The following BCL2L12 variants were observed in gnomAD, a reference collection of about 807,000 sequenced individuals.
The protein encoded by BCL2L12 is BCL2 like 12, also known as bcl-2-like protein 12.
Under a neutral mutation model 25.7 loss-of-function variants are expected in BCL2L12, and 27 were observed. That is an observed-to-expected ratio of 1.05 (90% CI 0.78 to 1.45). The LOEUF is 1.45. Ranked by LOEUF, BCL2L12 falls within the 40% of genes most tolerant of loss-of-function variation. The pLI is 0.00. For synonymous variants in BCL2L12, 132 were observed against 145.6 expected (o/e 0.91, Z 0.67); for missense variants, 302 against 329.8 (o/e 0.92, Z 0.65).
chr19:49,667,545 A>G (rs2081841624), intron 3 of BCL2L12, among the ~76,000 whole-genome samples: 1 of 152,134 alleles, frequency 6.6e-6, no homozygotes, highest in African/African-American at 2.4e-5. Flanking sequence ...CAGAGTAGGA[A>G]TTGGGGAGGA....
At chr19:49,670,140 A>G in intron 5 of BCL2L12, 76 bp from the exon 6 acceptor site, 1 of 1,526,444 alleles carries the variant, frequency 6.6e-7, no homozygotes. Flanking sequence ...TGAACCGGGA[A>G]GCCACGCCTC....
upstream of BCL2L12, chr19:49,665,275 A>T (rs985281327): frequency 5.7e-6 from 1 of 176,194 alleles, no homozygotes; most frequent in Non-Finnish European, 1.2e-5. Flanking sequence ...CCTACAGAAG[A>T]TCTCCCAAAA....
At chr19:49,665,661 C>G, upstream of BCL2L12, 2 of 945,288 alleles carry the variant, frequency 2.1e-6, no homozygotes, top group South Asian at 1.7e-5. Context: ...GTGCGGGCAG[C>G]TGGAACCCAC....
chr19:49,667,235 A>T, intron 3 of BCL2L12, 74 bp downstream of exon 3: 2 of 1,569,538 alleles, frequency 1.3e-6, no homozygotes, highest in Non-Finnish European at 1.7e-6. Flanking sequence ...TCACTCAGCT[A>T]GGGGGTGGCT....
intron 6 of BCL2L12, among the ~76,000 whole-genome samples, chr19:49,670,948 T>C (rs1265578566): frequency 2.0e-5 from 3 of 151,130 alleles, no homozygotes; most frequent in Non-Finnish European, 2.9e-5. Flanking sequence ...TCACCTGAGG[T>C]CAGGAGTTTG....
upstream of BCL2L12, chr19:49,665,931 G>T (rs756293294): frequency 6.2e-6 from 10 of 1,613,738 alleles, no homozygotes; most frequent in Admixed American, 1.7e-4. Context: ...CCAGCGTTCC[G>T]CCCTTTCTAC....
intron 3 of BCL2L12, among the ~76,000 whole-genome samples, chr19:49,667,617 T>C (rs1053084226): frequency 4.6e-5 from 7 of 152,150 alleles, no homozygotes; most frequent in Admixed American, 4.6e-4. Flanking sequence ...CTGGACAGAC[T>C]AGTAATGGCT....
At position 49,670,278 on chromosome 19, in the gene BCL2L12, C is replaced by T. The variant is rs1319775134; in HGVS notation, c.492C>T (p.Arg164=). ...GCCTGTCCTCCGACTCTTTCGCCCGCCTGGTGGAGCTGTTCTGTAGCCGGG... is the reference window on the plus strand; with the variant it reads ...GCCTGTCCTCCGACTCTTTCGCCCGTCTGGTGGAGCTGTTCTGTAGCCGGG... ...LVRLSSDSFA[R]LVELFCSRDD... Residue 164 remains arginine (R), a synonymous_variant, in exon 6 of 7, where the codon CGC becomes CGT. Coordinates refer to ENST00000246784, the MANE Select transcript of BCL2L12 (RefSeq NM_138639.2). 1.9e-6 allele frequency: 3 copies of T among 1,611,362 alleles called. No individual in the cohort carries two copies. The highest frequency in any genetic ancestry group is 2.5e-6 in the Non-Finnish European group (3 of 1,179,556).
upstream of BCL2L12, chr19:49,665,770 C>T (rs776572848): frequency 2.9e-4 from 449 of 1,549,612 alleles, 1 homozygote; most frequent in Non-Finnish European, 3.2e-4. Flanking sequence ...TTTTGATCGA[C>T]TTCTTGAAAT....
chr19:49,665,790 T>C (rs758609363), upstream of BCL2L12: 10 of 1,564,042 alleles, frequency 6.4e-6, no homozygotes, highest in East Asian at 1.8e-4. Flanking sequence ...TAAAACCAAC[T>C]TTATCATTCT....
chr19:49,668,774 C>T, intron 3 of BCL2L12, 77 bp from the exon 4 acceptor site: 2 of 1,377,200 alleles, frequency 1.5e-6, no homozygotes, highest in Non-Finnish European at 2.0e-6. Context: ...TGCCACCTGC[C>T]AAGGTAGTTG....
chr19:49,669,150 AG>A (rs1568477615), intron 5 of BCL2L12, 35 bp downstream of exon 5: 1 of 1,608,562 alleles, frequency 6.2e-7, no homozygotes, highest in South Asian at 1.1e-5. Context: ...TGGCAAGGAC[AG>A]GAGTTGCGGA....
chr19:49,670,208 C>T lies in BCL2L12; in HGVS notation c.430-8C>T, dbSNP rs764185142. The T allele has an allele frequency of 6.2e-7, 1 of 1,601,980 alleles. No individual in the cohort carries two copies. Among genetic ancestry groups the T allele is most frequent in the Non-Finnish European group, 8.5e-7 (1 of 1,178,936 alleles). ...GCTGACGCGGACCCTGCCTCTTCCA[C>T]CCTACAGCTGGCCTCGGACCCCGCC... On this transcript the variant is annotated splice_region_variant and splice_polypyrimidine_tract_variant and intron_variant, in intron 5 of 6. Transcript: ENST00000246784.
chr19:49,669,218 G>A (rs1160158121), intron 5 of BCL2L12, 103 bp downstream of exon 5: 6 of 1,520,548 alleles, frequency 3.9e-6, no homozygotes, highest in Non-Finnish European at 5.3e-6. Context: ...TGGTCAGGTG[G>A]AAAGAGGCTG....
intron 2 of BCL2L12, 35 bp from the exon 3 acceptor site, chr19:49,666,984 C>G: frequency 1.2e-6 from 2 of 1,605,874 alleles, no homozygotes; most frequent in South Asian, 2.2e-5. Flanking sequence ...CAGGGGATCT[C>G]TGGTGGGGTC....
Position 49,673,689 on chromosome 19 carries a change from C to A in BCL2L12, c.703-9C>A, listed in dbSNP as rs148317833. ...CTGCTCACAGGGCTCTGCCACTTTTCCCTTCCAGGAGGGCATCCTGGCTGT... is the reference window on the plus strand; with the variant it reads ...CTGCTCACAGGGCTCTGCCACTTTTACCTTCCAGGAGGGCATCCTGGCTGT... On this transcript the variant is annotated splice_polypyrimidine_tract_variant and intron_variant, in intron 6 of 6. Transcript: ENST00000246784. 2.5e-6 allele frequency: 4 copies of A among 1,613,038 alleles called. No individual in the cohort carries two copies. Among genetic ancestry groups the A allele is most frequent in the Non-Finnish European group, 2.5e-6 (3 of 1,179,188 alleles).
At chr19:49,666,931 T>A in intron 2 of BCL2L12, 88 bp from the exon 3 acceptor site, 1 of 1,546,138 alleles carries the variant, frequency 6.5e-7, no homozygotes, top group Non-Finnish European at 8.8e-7. Flanking sequence ...TGGAGAGAGG[T>A]CCTCAGCGGG....
chr19:49,665,919 A>G (rs761609418), upstream of BCL2L12: 3 of 1,613,580 alleles, frequency 1.9e-6, no homozygotes, highest in Non-Finnish European at 2.5e-6. Context: ...TTGAGCGTGC[A>G]CCCAGCGTTC....
chr19:49,671,407 C>T (rs1599923090), intron 6 of BCL2L12, among the ~76,000 whole-genome samples: 1 of 152,300 alleles, frequency 6.6e-6, no homozygotes, highest in Middle Eastern at 3.4e-3. Context: ...GATTGCACCA[C>T]TGCACTCCAG....
Sources: gnomAD v4.1 joint callset for allele counts (sites outside exome capture counted in the v4.1 genomes callset) on GRCh38, gnomAD v4.1.1 for gene constraint, MANE v1.5 for transcripts, NCBI Gene and HGNC (gene_info 2026-07-23, HGNC 2026-07-21) for gene names.